RBMX: variants seen among roughly 807,000 people sequenced by gnomAD.
RBMX encodes the protein RNA-binding motif protein, X chromosome.
RBMX carries 1 observed loss-of-function variant against 29.3 expected under a neutral mutation model. That is an observed-to-expected ratio of 0.03 (90% CI 0.01 to 0.16). RBMX has a LOEUF of 0.16. RBMX is among the 10% of genes least tolerant of loss of function. The pLI is 1.00. For synonymous variants in RBMX, 102 were observed against 102.3 expected (o/e 1.00, Z 0.02); for missense variants, 121 against 333.2 (o/e 0.36, Z 4.96).
At chrX:136,872,427 CAGAA>C (rs1190312694), downstream of RBMX, 1 of 885,318 alleles carries the variant, frequency 1.1e-6, no homozygotes, top group Non-Finnish European at 1.6e-6. Flanking sequence ...CCCTCTTTTC[CAGAA>C]AGAAAAGGCA....
At chrX:136,876,733 A>G (rs1174131584) in intron 4 of RBMX, 78 bp from the exon 5 acceptor site, 1 of 681,466 alleles carries the variant, frequency 1.5e-6, no homozygotes, top group East Asian at 4.2e-5. Context: ...TTTTTTTTTG[A>G]GAGTCTCACT....
chrX:136,870,439 A>G (rs750381389), downstream of RBMX: 1 of 113,676 alleles, frequency 8.8e-6, no homozygotes, highest in Non-Finnish European at 1.9e-5. Context: ...AAAACATGGG[A>G]TCCTGTTACA....
At position 136,878,923 on chromosome X, in the gene RBMX, A is replaced by G. The variant is rs1025379951; in HGVS notation, c.216+94T>C. 5.8e-5 allele frequency: 64 copies of G among 1,108,511 alleles called. 1 individual carries two copies. In the South Asian group the frequency reaches 9.0e-4, roughly 16 times the overall value. 91.4% of individuals were successfully genotyped at this position (1,108,511 alleles called of 1,213,427 possible). A position where few individuals can be genotyped will look rare whatever the true frequency, so the allele number is the denominator to read the frequency against. On this transcript the variant is annotated intron_variant, in intron 3 of 8. Coordinates refer to ENST00000320676, the MANE Select transcript of RBMX (RefSeq NM_002139.4). ...GACAGGTATATACTGAAAAACAACGAAAACTCAAAAGCTGTCCTAGACCAG... is the reference window on the plus strand; with the variant it reads ...GACAGGTATATACTGAAAAACAACGGAAACTCAAAAGCTGTCCTAGACCAG...
intron 4 of RBMX, among the ~76,000 whole-genome samples, chrX:136,877,357 T>A (rs2077743848): frequency 1.1e-5 from 1 of 88,361 alleles, no homozygotes; most frequent in Admixed American, 1.6e-4. Context: ...AAAACCATTA[T>A]TGATTTGGGT....
downstream of RBMX, among the ~76,000 whole-genome samples, chrX:136,871,165 G>A (rs899482139): frequency 8.4e-5 from 9 of 107,386 alleles, no homozygotes; most frequent in South Asian, 4.1e-4. Flanking sequence ...AACCATAGGC[G>A]GCCAGGTGCG....
At position 136,876,731 on chromosome X, in the gene RBMX, TGA is replaced by T. The variant is rs760342221; in HGVS notation, c.389-78_389-77del. 1,151 of 878,598 alleles carry T rather than the reference TGA, an allele frequency of 1.3e-3. 3 individuals carry two copies. Among genetic ancestry groups the T allele is most frequent in the South Asian group, 4.4e-3 (158 of 35,892 alleles). The allele number at this position is 878,598 out of a possible 1,213,427, so 72.4% of individuals were successfully genotyped here. ...AGATATAAAAGTTTTTTTTTTTTTT[TGA>T]GAGTCTCACTGTCGCCCAGGCTGGA... On this transcript the variant is annotated intron_variant, in intron 4 of 8. Coordinates refer to ENST00000320676, the MANE Select transcript of RBMX (RefSeq NM_002139.4).
At chrX:136,878,655 T>TGGGGGGGG (rs2077763616) in intron 3 of RBMX, among the ~76,000 whole-genome samples, 2 of 6,887 alleles carry the variant, frequency 2.9e-4, no homozygotes, top group African/African-American at 5.6e-4. Context: ...GGGGGGGGGC[T>TGGGGGGGG]GAGGCAGAAA....
downstream of RBMX, among the ~76,000 whole-genome samples, chrX:136,871,532 G>A (rs1023014876): frequency 2.7e-5 from 3 of 111,093 alleles, no homozygotes; most frequent in African/African-American, 6.5e-5. Flanking sequence ...CAGGGAGCTT[G>A]CAGCCACAGT....
chrX:136,877,890 A>T, intron 4 of RBMX, 25 bp downstream of exon 4: 1 of 1,151,897 alleles, frequency 8.7e-7, no homozygotes. Flanking sequence ...TATACACCAA[A>T]CCCGAGGTCC....
rs374832064 is a variant in RBMX, at chrX:136,875,445, T to C, written c.656+26A>G. On this transcript the variant is annotated intron_variant, in intron 6 of 8. Transcript: ENST00000320676. ...GCTTTCCTTCAACCTTAATTATTAA[T>C]TTAAAAAGCTGCACTTTTCTATTAC... 13 of 1,205,390 alleles carry C rather than the reference T, an allele frequency of 1.1e-5. No individual in the cohort carries two copies. In the African/African-American group the frequency reaches 1.8e-4, roughly 16 times the overall value.
Position 136,873,602 on chromosome X carries a change from T to G in RBMX, c.*540A>C. 1.3e-6 allele frequency: 1 copy of G among 755,558 alleles called. No homozygotes were observed. Among genetic ancestry groups the G allele is most frequent in the Non-Finnish European group, 1.6e-6 (1 of 639,697 alleles). The allele number at this position is 755,558 out of a possible 1,213,427, so 62.3% of individuals were successfully genotyped here. ...AAGGCAAAATGGCCAGCATTATCCA[T>G]TTGCTTTTTTGGGTTTACTGGGTGA... On this transcript the variant is annotated 3_prime_UTR_variant, in exon 9 of 9. Transcript: ENST00000320676.
downstream of RBMX, chrX:136,869,942 A>G (rs2077675248): frequency 8.9e-6 from 1 of 112,327 alleles, no homozygotes; most frequent in Non-Finnish European, 1.9e-5. Context: ...TAGCATGGTT[A>G]CTTTCCAGAT....
At position 136,875,359 on chromosome X, in the gene RBMX, A is replaced by G. The variant is rs1261851665; in HGVS notation, c.681T>C (p.Ser227=). ...GTGCATAATCTCTAGTATCACGAGAACTTGGGTAATCTCTGCTTGAATAGC... is the reference window on the plus strand; with the variant it reads ...GTGCATAATCTCTAGTATCACGAGAGCTTGGGTAATCTCTGCTTGAATAGC... The part of the protein sequence containing the change: ...KDSYSSRDYP[S]SRDTRDYAPP... Residue 227 remains serine (S), a synonymous_variant, in exon 7 of 9, where the codon AGT becomes AGC. Transcript: ENST00000320676. 1.7e-6 allele frequency: 2 copies of G among 1,209,258 alleles called. No homozygotes were observed. Among genetic ancestry groups the G allele is most frequent in the African/African-American group, 1.7e-5 (1 of 57,253 alleles).
At chrX:136,878,475 G>C (rs1011940221) in intron 3 of RBMX, among the ~76,000 whole-genome samples, 3 of 110,433 alleles carry the variant, frequency 2.7e-5, no homozygotes, top group Admixed American at 9.7e-5. Context: ...GTGGCTCGCA[G>C]TGTCTCACAC....
chrX:136,875,693 A>G (rs2077720302), intron 5 of RBMX, 108 bp from the exon 6 acceptor site: 17 of 1,018,707 alleles, frequency 1.7e-5, no homozygotes, highest in Non-Finnish European at 2.2e-5. Flanking sequence ...AGATGACATT[A>G]CGGAGGCTAG....
At chrX:136,872,315 C>T, downstream of RBMX, 1 of 1,167,079 alleles carries the variant, frequency 8.6e-7, no homozygotes, top group East Asian at 3.2e-5. Context: ...TCAATCAGCA[C>T]TCCACGACCA....
downstream of RBMX, among the ~76,000 whole-genome samples, chrX:136,871,932 C>G (rs1414442753): frequency 1.8e-5 from 2 of 109,377 alleles, no homozygotes; most frequent in African/African-American, 3.3e-5. Flanking sequence ...GGATTAAAGG[C>G]ACGAGCCATG....
downstream of RBMX, among the ~76,000 whole-genome samples, chrX:136,870,571 G>A (rs567800619): frequency 5.2e-4 from 58 of 111,159 alleles, no homozygotes; most frequent in South Asian, 7.4e-4. Context: ...AGTGGCTCAC[G>A]CTTGTAATCC....
downstream of RBMX, chrX:136,870,066 A>G (rs2077675926): frequency 8.9e-6 from 1 of 112,524 alleles, no homozygotes; most frequent in Non-Finnish European, 1.9e-5. Context: ...TATATCCATC[A>G]TTTTTATAAT....
Sources: gnomAD v4.1 joint callset for allele counts (sites outside exome capture counted in the v4.1 genomes callset) on GRCh38, gnomAD v4.1.1 for gene constraint, MANE v1.5 for transcripts, NCBI Gene and HGNC (gene_info 2026-07-23, HGNC 2026-07-21) for gene names.